BICC1: variants seen among roughly 807,000 people sequenced by gnomAD.
BICC1 encodes BicC family RNA binding protein 1.
A neutral mutation model predicts 111.0 loss-of-function variants in BICC1; 43 were observed. The ratio of observed to expected loss-of-function variants is 0.39; its 90% confidence interval spans 0.30 to 0.50. The LOEUF (loss-of-function observed/expected upper bound fraction) is 0.50. Among genes scored for constraint, BICC1 ranks in the 20% least tolerant of loss-of-function variants. BICC1 has a pLI of 0.88. For missense variants in BICC1, 1,091 were observed against 1,203.2 expected, an observed-to-expected ratio of 0.91 and a Z score of 1.38; for synonymous variants, 467 against 434.4, an observed-to-expected ratio of 1.07 and a Z score of -0.93.
At chr10:58,613,730 T>G (rs6481408) in intron 1 of BICC1, among the ~76,000 whole-genome samples, 151,040 of 152,216 alleles carry the variant, frequency 0.99, 74,947 homozygotes, top group East Asian at 1. Flanking sequence ...TTTAATTTGG[T>G]TAGAATTGTG....
chr10:58,514,226 G>C (rs1326222836), intron 1 of BICC1, among the ~76,000 whole-genome samples: 1 of 152,132 alleles, frequency 6.6e-6, no homozygotes, highest in East Asian at 1.9e-4. Context: ...CCACCGATGT[G>C]GCTCATTTCC....
chr10:58,616,338 T>C (rs1169516492), intron 1 of BICC1, among the ~76,000 whole-genome samples: 3 of 152,330 alleles, frequency 2.0e-5, no homozygotes, highest in South Asian at 2.1e-4. Flanking sequence ...TTGGCCAGGA[T>C]TGACTGAGAG....
intron 1 of BICC1, among the ~76,000 whole-genome samples, chr10:58,582,872 C>A (rs768920383): frequency 6.6e-6 from 1 of 152,158 alleles, no homozygotes; most frequent in East Asian, 1.9e-4. Flanking sequence ...ACTCAGAGAA[C>A]GCAGGATAAT....
chr10:58,683,475 A>G (rs1162828791), intron 2 of BICC1, among the ~76,000 whole-genome samples: 15 of 152,270 alleles, frequency 9.9e-5, no homozygotes, highest in Admixed American at 7.8e-4. Context: ...CTTGGGCAGT[A>G]TGGCCATTTT....
intron 3 of BICC1, among the ~76,000 whole-genome samples, chr10:58,707,896 C>A (rs1049978419): frequency 6.6e-6 from 1 of 152,160 alleles, no homozygotes. Flanking sequence ...AGTGTTTCTC[C>A]ATGTTGGTCA....
intron 2 of BICC1, among the ~76,000 whole-genome samples, chr10:58,638,903 T>A (rs1167274569): frequency 6.7e-6 from 1 of 148,610 alleles, no homozygotes; most frequent in Non-Finnish European, 1.5e-5. Flanking sequence ...TCTTTTCTTT[T>A]CCTTTTTCTT....
intron 1 of BICC1, among the ~76,000 whole-genome samples, chr10:58,584,055 AACACACACAC>A (rs140080926): frequency 0.06 from 8,908 of 147,546 alleles, 302 homozygotes; most frequent in Non-Finnish European, 0.079. Flanking sequence ...GTAAACATGA[AACACACACAC>A]ACACACACAC....
chr10:58,816,745 CTGTGTGTGTGTGTG>C (rs56310772), intron 18 of BICC1, among the ~76,000 whole-genome samples: 203 of 122,162 alleles, frequency 1.7e-3, no homozygotes, highest in African/African-American at 4.8e-3. Flanking sequence ...ATCTCCAAGG[CTGTGTGTGTGTGTG>C]TGTGTGTGTG....
intron 3 of BICC1, among the ~76,000 whole-genome samples, chr10:58,738,095 A>C (rs1841532131): frequency 6.6e-6 from 1 of 152,168 alleles, no homozygotes; most frequent in Admixed American, 6.5e-5. Flanking sequence ...TAGTTTAATT[A>C]GATCCCATTT....
intron 1 of BICC1, among the ~76,000 whole-genome samples, chr10:58,586,737 GA>G (rs1235187260): frequency 1.3e-5 from 2 of 151,858 alleles, no homozygotes; most frequent in Non-Finnish European, 2.9e-5. Flanking sequence ...ACATGCAAAT[GA>G]ATATATGTAT....
At chr10:58,818,174 C>A (rs111812595) in intron 19 of BICC1, among the ~76,000 whole-genome samples, 54 of 152,200 alleles carry the variant, frequency 3.5e-4, no homozygotes, top group African/African-American at 1.2e-3. Flanking sequence ...TCTGTTCTTA[C>A]AGAATATATG....
chr10:58,611,480 CTT>C (rs1198647396), intron 1 of BICC1, among the ~76,000 whole-genome samples: 7 of 142,324 alleles, frequency 4.9e-5, no homozygotes, highest in Non-Finnish European at 4.6e-5. Context: ...TTTGTTTCTT[CTT>C]TTTTTTTTTT....
chr10:58,686,848 A>G (rs746908100), intron 2 of BICC1, among the ~76,000 whole-genome samples: 11 of 152,164 alleles, frequency 7.2e-5, no homozygotes, highest in Admixed American at 4.6e-4. Flanking sequence ...TGTTATTACC[A>G]ATCGTCTGAA....
intron 8 of BICC1, 24 bp downstream of exon 8, chr10:58,789,957 A>G: frequency 6.2e-7 from 1 of 1,611,386 alleles, no homozygotes; most frequent in Non-Finnish European, 8.5e-7. Context: ...AATAAGTGTT[A>G]CAATTTTTTT....
chr10:58,541,996 C>T (rs1222484331), intron 1 of BICC1, among the ~76,000 whole-genome samples: 1 of 151,316 alleles, frequency 6.6e-6, no homozygotes, highest in Non-Finnish European at 1.5e-5. Context: ...CAAAAAATAA[C>T]AAAAGTTATC....
chr10:58,541,751 A>C (rs899159395), intron 1 of BICC1, among the ~76,000 whole-genome samples: 3 of 152,150 alleles, frequency 2.0e-5, no homozygotes, highest in Non-Finnish European at 4.4e-5. Context: ...AAGCCAAAAA[A>C]GTCTTGAGAA....
intron 1 of BICC1, among the ~76,000 whole-genome samples, chr10:58,518,716 G>A (rs1842311369): frequency 6.6e-6 from 1 of 151,852 alleles, no homozygotes; most frequent in Admixed American, 6.6e-5. Context: ...TATAGATTAA[G>A]TGAAAAAACA....
chr10:58,536,883 C>G (rs959056366), intron 1 of BICC1, among the ~76,000 whole-genome samples: 42 of 151,610 alleles, frequency 2.8e-4, no homozygotes, highest in African/African-American at 1.0e-3. Flanking sequence ...CAACTGACAC[C>G]TCAGAAATAT....
intron 2 of BICC1, among the ~76,000 whole-genome samples, chr10:58,664,543 C>G (rs892488682): frequency 1.3e-5 from 2 of 151,968 alleles, no homozygotes; most frequent in African/African-American, 2.4e-5. Flanking sequence ...GTAAAATTTC[C>G]CTTTCTATAC....
Sources: gnomAD v4.1 joint callset for allele counts (sites outside exome capture counted in the v4.1 genomes callset) on GRCh38, gnomAD v4.1.1 for gene constraint, MANE v1.5 for transcripts, NCBI Gene and HGNC (gene_info 2026-07-23, HGNC 2026-07-21) for gene names.